SUSD5: variants seen among roughly 807,000 people sequenced by gnomAD.
The protein encoded by SUSD5 is sushi domain containing 5, also known as sushi domain-containing protein 5.
In SUSD5, 33 loss-of-function variants were observed where a neutral mutation model predicts 29.5. The observed-to-expected ratio is 1.12, with a 90% CI of 0.85 to 1.49. The LOEUF (loss-of-function observed/expected upper bound fraction) is 1.49, where lower values mean the gene tolerates loss of function less well. Among genes scored for constraint, SUSD5 ranks in the 40% most tolerant of loss-of-function variants. The pLI, the probability that SUSD5 is intolerant of heterozygous loss-of-function variation, is 0.00. For missense variants in SUSD5, 776 were observed against 800.6 expected, an observed-to-expected ratio of 0.97 and a Z score of 0.37; for synonymous variants, 308 against 325.3, an observed-to-expected ratio of 0.95 and a Z score of 0.57.
rs897674689 is a variant in SUSD5 at position 33,214,057 on chromosome 3, A to G, written c.161T>C (p.Leu54Pro). The G allele has an allele frequency of 1.2e-6, 2 of 1,613,370 alleles. No individual in the cohort carries two copies. The highest frequency in any genetic ancestry group is 2.7e-5 in the African/African-American group (2 of 74,908). ...CTTGCAGGAAAGCCGAGCAGCCTCC[A>G]GTTGTAGGCCCTGAGAGCCATTCTG... ...ESQNGSQGLQLEAARLSCKSR... is the reference protein window; with the variant it reads ...ESQNGSQGLQPEAARLSCKSR... Residue 54 changes from leucine (L) to proline (P), a missense_variant, in exon 2 of 5, where the codon CTG (leucine) becomes CCG (proline). Transcript: ENST00000309558.
At chr3:33,195,417 A>AGCAGTTTC (rs1220619798) in intron 3 of SUSD5, among the ~76,000 whole-genome samples, 1 of 152,142 alleles carries the variant, frequency 6.6e-6, no homozygotes, top group African/African-American at 2.4e-5. Context: ...CTGCTGGGGG[A>AGCAGTTTC]TGGAGGTGGG....
rs1302273543 is a variant in SUSD5 at position 33,152,621 on chromosome 3, AG to A, written c.*120del. 32 of 1,135,664 alleles carry A rather than the reference AG, an allele frequency of 2.8e-5. No individual in the cohort carries two copies. Among genetic ancestry groups the A allele is most frequent in the Non-Finnish European group, 3.4e-5 (28 of 812,878 alleles). 70.3% of individuals were successfully genotyped at this position (1,135,664 alleles called of 1,614,324 possible). On this transcript the variant is annotated 3_prime_UTR_variant, in exon 5 of 5. Coordinates refer to ENST00000309558, the MANE Select transcript of SUSD5 (RefSeq NM_015551.2). ...AGACACTTCTCAGCCTATAAAACAA[AG>A]GGCTGAGGAAAAAATGATGAGCCTC... is the stretch of plus-strand genomic sequence containing the variant.
At chr3:33,196,592 G>A (rs1197870346) in intron 3 of SUSD5, among the ~76,000 whole-genome samples, 1 of 152,176 alleles carries the variant, frequency 6.6e-6, no homozygotes, top group African/African-American at 2.4e-5. Flanking sequence ...AGATCCACAT[G>A]TAACTACTCT....
intron 3 of SUSD5, among the ~76,000 whole-genome samples, chr3:33,197,726 T>C (rs988853820): frequency 6.6e-6 from 1 of 152,188 alleles, no homozygotes; most frequent in Non-Finnish European, 1.5e-5. Flanking sequence ...ATACAGTATG[T>C]ATATTTTGTG....
chr3:33,172,481 A>G (rs1256243558), intron 4 of SUSD5, among the ~76,000 whole-genome samples: 1 of 152,198 alleles, frequency 6.6e-6, no homozygotes, highest in Admixed American at 6.5e-5. Flanking sequence ...CCTCACTGGA[A>G]CATTAACAAC....
chr3:33,203,439 T>C (rs575970285), intron 3 of SUSD5, among the ~76,000 whole-genome samples: 2 of 152,318 alleles, frequency 1.3e-5, no homozygotes, highest in East Asian at 3.9e-4. Context: ...AAGGCTCCTG[T>C]CTTCCCTGTA....
At chr3:33,168,558 C>A (rs2031354782) in intron 4 of SUSD5, 9 of 985,474 alleles carry the variant, frequency 9.1e-6, no homozygotes, top group Non-Finnish European at 1.1e-5. Flanking sequence ...AGGTGTGCTG[C>A]CCCGAGGCCT....
In SUSD5 at chr3:33,179,259, C is replaced by T. The variant is rs115744451; in HGVS notation, c.410-4185G>A. Among the ~76,000 whole-genome samples the T allele has an allele frequency of 4.3e-3, 656 of 152,102 alleles. 3 individuals are homozygous for T. The highest frequency in any genetic ancestry group is 0.015 in the African/African-American group (618 of 41,494). Reference sequence around the variant, plus strand: ...TGTCCATAGGATCTGTAGTGATGTCCCCTCTTTTTTTTAAAAGCATAACCA... The same window carrying T: ...TGTCCATAGGATCTGTAGTGATGTCTCCTCTTTTTTTTAAAAGCATAACCA... On this transcript the variant is annotated intron_variant, in intron 3 of 4. Coordinates refer to ENST00000309558, the MANE Select transcript of SUSD5 (RefSeq NM_015551.2).
rs929586421 is a variant in SUSD5 at position 33,150,193 on chromosome 3, A to C, written c.*2549T>G. 4.6e-5 allele frequency: 7 copies of C among 152,156 alleles called. No individual in the cohort carries two copies. The highest frequency in any genetic ancestry group is 8.8e-5 in the Non-Finnish European group (6 of 68,022). The allele number at this position is 152,156 out of a possible 1,614,324, so 9.4% of individuals were successfully genotyped here. ...TACATTGTTTTAATCATTCCCTTTC[A>C]ACATGAATTTTTAGATTCTATAACA... On this transcript the variant is annotated 3_prime_UTR_variant, in exon 5 of 5. Coordinates refer to ENST00000309558, the MANE Select transcript of SUSD5 (RefSeq NM_015551.2).
At chr3:33,206,322 C>T (rs542019519) in intron 3 of SUSD5, among the ~76,000 whole-genome samples, 19 of 151,112 alleles carry the variant, frequency 1.3e-4, no homozygotes, top group African/African-American at 3.9e-4. Flanking sequence ...TGCAGTGAGC[C>T]GAGATCACAC....
chr3:33,176,197 A>C (rs1187302083), intron 3 of SUSD5, among the ~76,000 whole-genome samples: 1 of 152,178 alleles, frequency 6.6e-6, no homozygotes, highest in Non-Finnish European at 1.5e-5. Context: ...TTAGCACTGA[A>C]TATTATTCCA....
In SUSD5 at chr3:33,153,613, T is replaced by C; in HGVS notation, c.1019A>G (p.Tyr340Cys). Residue 340 changes from tyrosine (Y) to cysteine (C), a missense_variant, in exon 5 of 5, where the codon TAC becomes TGC. Tyr to Cys is a radical substitution (Grantham distance 194). Transcript: ENST00000309558. ...VPGEPETKVI[Y>C]GNTDGPSGPF... ...CCCCGAGGGACCATCAGTGTTGCCG[T>C]AGATCACCTTGGTTTCAGGTTCACC... 3 of 1,614,036 alleles carry C rather than the reference T, an allele frequency of 1.9e-6. No homozygotes were observed. The highest frequency in any genetic ancestry group is 1.1e-5 in the South Asian group (1 of 91,086).
intron 3 of SUSD5, among the ~76,000 whole-genome samples, chr3:33,203,940 G>C (rs1487228239): frequency 6.6e-6 from 1 of 151,978 alleles, no homozygotes; most frequent in Non-Finnish European, 1.5e-5. Context: ...AGAGACATAG[G>C]GACCCACTCT....
chr3:33,208,276 T>A (rs1007398557), intron 2 of SUSD5, among the ~76,000 whole-genome samples: 3 of 152,164 alleles, frequency 2.0e-5, no homozygotes, highest in Admixed American at 2.0e-4. Flanking sequence ...AAACTTCAAC[T>A]TTTTTCCTTT....
chr3:33,204,749 G>A lies in SUSD5; in HGVS notation c.409+3059C>T, dbSNP rs1342186156. Among the ~76,000 whole-genome samples the A allele has an allele frequency of 7.0e-6, 1 of 142,408 alleles. No homozygotes were observed. The highest frequency in any genetic ancestry group is 2.5e-5 in the African/African-American group (1 of 40,698). 93.4% of individuals were successfully genotyped at this position (142,408 alleles called of 152,430 possible). ...TGCAACCTCTACCTCCCAGGTTAAA[G>A]CGATTCTCATGCCTCAGCCTCCTGA... On this transcript the variant is annotated intron_variant, in intron 3 of 4. Coordinates refer to ENST00000309558, the MANE Select transcript of SUSD5 (RefSeq NM_015551.2). The surrounding 1 kb of genome is among the most constrained non-coding windows in gnomAD (Gnocchi z 4.5).
At chr3:33,186,256 T>C (rs56007692) in intron 3 of SUSD5, among the ~76,000 whole-genome samples, 2 of 151,058 alleles carry the variant, frequency 1.3e-5, no homozygotes, top group African/African-American at 2.4e-5. Context: ...GAGCCGAGAT[T>C]GCGCCACTGC....
intron 2 of SUSD5, among the ~76,000 whole-genome samples, chr3:33,213,173 C>T (rs1299729009): frequency 6.6e-6 from 1 of 151,924 alleles, no homozygotes; most frequent in African/African-American, 2.4e-5. Context: ...TCTGGGAAGC[C>T]AAAGCAGGAG....
At chr3:33,180,729 A>C (rs1313112703) in intron 3 of SUSD5, among the ~76,000 whole-genome samples, 1 of 151,902 alleles carries the variant, frequency 6.6e-6, no homozygotes, top group African/African-American at 2.4e-5. Flanking sequence ...AATCTCAGTT[A>C]CTCGGGAGGC....
At chr3:33,212,719 C>G (rs1053153385) in intron 2 of SUSD5, among the ~76,000 whole-genome samples, 1 of 152,198 alleles carries the variant, frequency 6.6e-6, no homozygotes, top group Non-Finnish European at 1.5e-5. Flanking sequence ...CACAGCACAC[C>G]CATCTCAGCA....
Sources: allele counts gnomAD v4.1 joint callset (sites outside exome capture counted in the v4.1 genomes callset), GRCh38; gene constraint gnomAD v4.1.1; non-coding constraint Gnocchi (gnomAD v3.1); transcripts MANE v1.5; gene names NCBI Gene and HGNC (gene_info 2026-07-23, HGNC 2026-07-21).